Variants in CNTN5 observed in about 807,000 individuals in gnomAD.
CNTN5 encodes the protein contactin 5.
Under a neutral mutation model 129.1 loss-of-function variants are expected in CNTN5, and 77 were observed. The observed-to-expected ratio is 0.60, with a 90% CI of 0.50 to 0.72. The LOEUF is 0.72. Ranked by LOEUF, CNTN5 falls within the 30% of genes least tolerant of loss-of-function variation. The pLI is 0.00. For missense variants in CNTN5, 1,478 were observed against 1,328.8 expected (o/e 1.11, Z -1.75); for synonymous variants, 509 against 465.6 (o/e 1.09, Z -1.20).
At chr11:99,886,257 T>C (rs1565639098) in intron 6 of CNTN5, among the ~76,000 whole-genome samples, 1 of 152,008 alleles carries the variant, frequency 6.6e-6, no homozygotes, top group Non-Finnish European at 1.5e-5. Flanking sequence ...AAAATGTACA[T>C]ACTAAAATCT....
At chr11:99,582,147 A>T (rs1361467520) in intron 3 of CNTN5, among the ~76,000 whole-genome samples, 1 of 152,134 alleles carries the variant, frequency 6.6e-6, no homozygotes, top group African/African-American at 2.4e-5. Context: ...AATGTTGAAT[A>T]TTGGCCCCCA....
At chr11:99,621,522 T>C (rs1460826703) in intron 3 of CNTN5, among the ~76,000 whole-genome samples, 2 of 134,126 alleles carry the variant, frequency 1.5e-5, no homozygotes, top group Non-Finnish European at 1.6e-5. Context: ...AATATATCTT[T>C]ATAATACAAA....
intron 2 of CNTN5, among the ~76,000 whole-genome samples, chr11:99,330,109 C>A: frequency 8.2e-6 from 1 of 122,598 alleles, no homozygotes; most frequent in Non-Finnish European, 1.7e-5. Flanking sequence ...AGAAGTACAT[C>A]AGGAAAGAAG....
chr11:99,847,247 A>G (rs1947729227), intron 6 of CNTN5, among the ~76,000 whole-genome samples: 1 of 152,180 alleles, frequency 6.6e-6, no homozygotes. Flanking sequence ...TATTTTACAT[A>G]TCCATATGAC....
chr11:100,106,032 T>C (rs1449565107), intron 13 of CNTN5, among the ~76,000 whole-genome samples: 1 of 152,158 alleles, frequency 6.6e-6, no homozygotes, highest in Admixed American at 6.5e-5. Flanking sequence ...TCATAAGGCT[T>C]ACCATGAATG....
At chr11:99,749,701 T>C (rs1944168827) in intron 3 of CNTN5, among the ~76,000 whole-genome samples, 1 of 152,338 alleles carries the variant, frequency 6.6e-6, no homozygotes, top group African/African-American at 2.4e-5. Context: ...AATTTTCTCA[T>C]GTGGGTTAAA....
At chr11:99,577,648 T>A (rs2135596462) in intron 3 of CNTN5, among the ~76,000 whole-genome samples, 1 of 152,132 alleles carries the variant, frequency 6.6e-6, no homozygotes, top group Non-Finnish European at 1.5e-5. Context: ...AGTAATAAAA[T>A]AAAAAATACA....
At chr11:99,150,203 A>G (rs1859984708) in intron 1 of CNTN5, among the ~76,000 whole-genome samples, 1 of 152,100 alleles carries the variant, frequency 6.6e-6, no homozygotes, top group Non-Finnish European at 1.5e-5. Context: ...ATTTTAAATC[A>G]CAAATGACTG....
chr11:100,039,806 G>A (rs1439477904), intron 9 of CNTN5, among the ~76,000 whole-genome samples: 6 of 152,186 alleles, frequency 3.9e-5, no homozygotes, highest in South Asian at 4.1e-4. Flanking sequence ...TCATGCCTTG[G>A]TTTTCAGCTC....
At chr11:99,934,938 A>C in intron 7 of CNTN5, among the ~76,000 whole-genome samples, 1 of 91,168 alleles carries the variant, frequency 1.1e-5, no homozygotes, top group Admixed American at 1.1e-4. Flanking sequence ...ATATATATAT[A>C]TATATATATA....
At chr11:99,843,284 A>G (rs1236221905) in intron 4 of CNTN5, among the ~76,000 whole-genome samples, 2 of 152,216 alleles carry the variant, frequency 1.3e-5, no homozygotes, top group Admixed American at 1.3e-4. Flanking sequence ...ACTCGTCAGT[A>G]CATGCTCATA....
intron 15 of CNTN5, among the ~76,000 whole-genome samples, chr11:100,194,973 C>A (rs927079827): frequency 6.7e-6 from 1 of 149,880 alleles, no homozygotes; most frequent in East Asian, 2.2e-4. Context: ...ATTAAATGAG[C>A]GAATTTTAAC....
chr11:100,325,660 G>C (rs554423024), intron 21 of CNTN5, among the ~76,000 whole-genome samples: 9 of 152,226 alleles, frequency 5.9e-5, no homozygotes, highest in Non-Finnish European at 1.3e-4. Context: ...AGATTTCTTT[G>C]GGTTGTTTGA....
chr11:99,462,023 G>T (rs1944719451), intron 2 of CNTN5, among the ~76,000 whole-genome samples: 1 of 152,084 alleles, frequency 6.6e-6, no homozygotes, highest in South Asian at 2.1e-4. Context: ...ATTGAGTACT[G>T]GAATAGTGGC....
rs1414167830 is a variant in CNTN5, at chr11:99,754,315, C to T, written c.56-65229C>T. 2.0e-5 allele frequency among the ~76,000 whole-genome samples: 3 copies of T among 152,172 alleles called. No homozygotes were observed. The East Asian group carries it at 5.8e-4, about 29-fold the overall frequency. ...TATACACATTTCTGTCTTAAAAGCTCCTTAGCTACTCCTCCACCATTTAGC... is the reference window on the plus strand; with the variant it reads ...TATACACATTTCTGTCTTAAAAGCTTCTTAGCTACTCCTCCACCATTTAGC... On this transcript the variant is annotated intron_variant, in intron 3 of 24. Coordinates refer to ENST00000524871, the MANE Select transcript of CNTN5 (RefSeq NM_014361.4).
At chr11:99,804,652 T>G (rs1946215281) in intron 3 of CNTN5, among the ~76,000 whole-genome samples, 1 of 151,446 alleles carries the variant, frequency 6.6e-6, no homozygotes, top group Non-Finnish European at 1.5e-5. Flanking sequence ...ATAAGCCCCT[T>G]AATCGTTAGC....
chr11:99,608,385 G>A (rs1950494358), intron 3 of CNTN5, among the ~76,000 whole-genome samples: 1 of 152,112 alleles, frequency 6.6e-6, no homozygotes, highest in Admixed American at 6.5e-5. Flanking sequence ...CAATGCATGG[G>A]TTGAATTTTG....
chr11:99,517,073 C>T (rs1189469967), intron 2 of CNTN5, among the ~76,000 whole-genome samples: 1 of 152,014 alleles, frequency 6.6e-6, no homozygotes, highest in Non-Finnish European at 1.5e-5. Flanking sequence ...CAGTTGAATT[C>T]TCCACAAATG....
intron 2 of CNTN5, among the ~76,000 whole-genome samples, chr11:99,489,614 A>C (rs1945955828): frequency 6.6e-6 from 1 of 152,204 alleles, no homozygotes; most frequent in Admixed American, 6.5e-5. Context: ...GTCCCTATTA[A>C]ATTATAGAGT....
Sources: gnomAD v4.1 joint callset for allele counts (sites outside exome capture counted in the v4.1 genomes callset) on GRCh38, gnomAD v4.1.1 for gene constraint, MANE v1.5 for transcripts, NCBI Gene and HGNC (gene_info 2026-07-23, HGNC 2026-07-21) for gene names.